Variants in LGI1 observed in about 807,000 individuals in gnomAD.
LGI1 encodes leucine-rich glioma-inactivated protein 1.
In LGI1, 11 loss-of-function variants were observed where a neutral mutation model predicts 57.7. The ratio of observed to expected loss-of-function variants is 0.19; its 90% confidence interval spans 0.12 to 0.32. The LOEUF is 0.32. Ranked by LOEUF, LGI1 falls within the 10% of genes least tolerant of loss-of-function variation. The probability of loss-of-function intolerance (pLI) is 1.00; values close to 1 mark genes in which losing one functional copy is unlikely to be tolerated. For synonymous variants in LGI1, 222 were observed against 241.9 expected (o/e 0.92, Z 0.76); for missense variants, 422 against 661.9 (o/e 0.64, Z 3.98).
intron 7 of LGI1, among the ~76,000 whole-genome samples, chr10:93,795,647 C>G (rs750127795): frequency 6.6e-6 from 1 of 152,182 alleles, no homozygotes; most frequent in Non-Finnish European, 1.5e-5. Flanking sequence ...ACAGGCACCA[C>G]TAATCTATCA....
intron 7 of LGI1, chr10:93,794,019 C>CTTTTTTTTTTTTTTTTTTTTTTTT (rs5787082): frequency 6.8e-5 from 6 of 87,836 alleles, no homozygotes; most frequent in African/African-American, 2.4e-4. Context: ...CTTTTTTTTT[C>CTTTTTTTTTTTTTTTTTTTTTTTT]TTTTTTTTTT....
At chr10:93,794,446 C>T (rs2059963763) in intron 7 of LGI1, 2 of 149,068 alleles carry the variant, frequency 1.3e-5, no homozygotes, top group Admixed American at 6.8e-5. Context: ...TCAATGCAAC[C>T]TCAGCCTCCT....
chr10:93,765,504 A>G (rs919867107), intron 2 of LGI1: 8 of 152,126 alleles, frequency 5.3e-5, no homozygotes, highest in Non-Finnish European at 1.0e-4. Context: ...TTTTTAGGGG[A>G]AGGTGGAATT....
In LGI1 at chr10:93,777,516, T is replaced by C. The variant is rs371253549; in HGVS notation, c.360-30T>C. 3 of 1,611,010 alleles carry C rather than the reference T, an allele frequency of 1.9e-6. No individual in the cohort carries two copies. The African/African-American group carries it at 4.0e-5, about 22-fold the overall frequency. Reference sequence around the variant, plus strand: ...AAGTACTCTCAAGTTCCTGTAACTGTTTGACAAAAAATATTATAACTTATT... The same window carrying C: ...AAGTACTCTCAAGTTCCTGTAACTGCTTGACAAAAAATATTATAACTTATT... On this transcript the variant is annotated intron_variant, in intron 3 of 7. Transcript: ENST00000371418.
chr10:93,770,767 A>G (rs1165197549), intron 2 of LGI1: 2 of 152,154 alleles, frequency 1.3e-5, no homozygotes, highest in African/African-American at 4.8e-5. Context: ...AGCAATATTA[A>G]TAATGAAATT....
rs1312538262 is a variant in LGI1 at position 93,797,443 on chromosome 10, C to T, written c.1314C>T (p.Phe438=). The change falls in exon 8 of 8, where the codon TTC becomes TTT. Residue 438 remains phenylalanine, a synonymous_variant. Transcript: ENST00000371418. This position sits in a 1 kb window ranked among gnomAD's most constrained non-coding sequence, Gnocchi z 6.5. The part of the protein sequence containing the change: ...NMEDVYAVKH[F]SVKGDVYICL... ...AGGATGTGTACGCAGTGAAGCACTT[C>T]TCAGTGAAAGGGGACGTGTACATTT... 9.9e-6 allele frequency: 16 copies of T among 1,614,220 alleles called. No homozygotes were observed. Among genetic ancestry groups the T allele is most frequent in the Non-Finnish European group, 1.4e-5 (16 of 1,180,042 alleles).
At chr10:93,763,663 C>T (rs1276309962) in intron 2 of LGI1, 1 of 151,982 alleles carries the variant, frequency 6.6e-6, no homozygotes, top group African/African-American at 2.4e-5. Flanking sequence ...GGAAGTGAGC[C>T]GAACTAAAAA....
intron 2 of LGI1, among the ~76,000 whole-genome samples, chr10:93,760,083 T>G (rs1010818900): frequency 6.6e-6 from 1 of 152,272 alleles, no homozygotes; most frequent in Non-Finnish European, 1.5e-5. Flanking sequence ...TCTATTGTTT[T>G]GTGTATATGA....
intron 2 of LGI1, chr10:93,763,772 C>T (rs933678575): frequency 1.3e-5 from 2 of 152,064 alleles, no homozygotes; most frequent in Admixed American, 1.3e-4. Context: ...CTAAGCCTTT[C>T]CTTAGACCCA....
At position 93,797,994 on chromosome 10, in the gene LGI1, T is replaced by C; in HGVS notation, c.*191T>C. 1 of 616,402 alleles carries C rather than the reference T, an allele frequency of 1.6e-6. No individual in the cohort carries two copies. 38.2% of individuals were successfully genotyped at this position (616,402 alleles called of 1,614,324 possible). On this transcript the variant is annotated 3_prime_UTR_variant, in exon 8 of 8. Transcript: ENST00000371418. The surrounding 1 kb of genome is among the most constrained non-coding windows in gnomAD (Gnocchi z 6.5). Reference sequence around the variant, plus strand: ...CAGTGATGTGGGAAGTTACCTTTTATAAGACAAAATTTAATTGTGTAACTG... The same window carrying C: ...CAGTGATGTGGGAAGTTACCTTTTACAAGACAAAATTTAATTGTGTAACTG...
intron 4 of LGI1, among the ~76,000 whole-genome samples, chr10:93,779,610 T>G (rs534798095): frequency 6.6e-6 from 1 of 152,224 alleles, no homozygotes; most frequent in African/African-American, 2.4e-5. Context: ...AGGACACCCA[T>G]TTTGTTTACT....
intron 2 of LGI1, among the ~76,000 whole-genome samples, chr10:93,773,292 C>A (rs541823723): frequency 6.6e-6 from 1 of 152,074 alleles, no homozygotes; most frequent in Non-Finnish European, 1.5e-5. Context: ...CTCGCCAGAA[C>A]GTGGTTATTA....
At chr10:93,787,473 C>T (rs780273849) in intron 4 of LGI1, among the ~76,000 whole-genome samples, 1 of 152,206 alleles carries the variant, frequency 6.6e-6, no homozygotes, top group Non-Finnish European at 1.5e-5. Context: ...AATACTGCCT[C>T]TCCATTCTGG....
At position 93,797,473 on chromosome 10, in the gene LGI1, G is replaced by A; in HGVS notation, c.1344G>A (p.Leu448=). ...FSVKGDVYIC[L]TRFIGDSKVM... ...TGAAAGGGGACGTGTACATTTGCTTGACAAGATTCATTGGTGATTCCAAAG... is the reference window on the plus strand; with the variant it reads ...TGAAAGGGGACGTGTACATTTGCTTAACAAGATTCATTGGTGATTCCAAAG... The change falls in exon 8 of 8, where the codon TTG becomes TTA. Residue 448 remains leucine (L), a synonymous_variant. Coordinates refer to ENST00000371418, the MANE Select transcript of LGI1 (RefSeq NM_005097.4). The surrounding 1 kb of genome is among the most constrained non-coding windows in gnomAD (Gnocchi z 6.5). 6.2e-7 allele frequency: 1 copy of A among 1,614,214 alleles called. No individual in the cohort carries two copies. The highest frequency in any genetic ancestry group is 8.5e-7 in the Non-Finnish European group (1 of 1,180,040).
chr10:93,765,220 A>G (rs1465838793), intron 2 of LGI1: 2 of 152,200 alleles, frequency 1.3e-5, no homozygotes, highest in Non-Finnish European at 2.9e-5. Flanking sequence ...TCACAAAACT[A>G]CCTAATAGTT....
chr10:93,762,386 A>T (rs553209414), intron 2 of LGI1: 31 of 152,342 alleles, frequency 2.0e-4, no homozygotes, highest in African/African-American at 6.7e-4. Context: ...AGGCATGAAC[A>T]AAAGAAGGAA....
intron 4 of LGI1, among the ~76,000 whole-genome samples, chr10:93,780,859 T>C (rs1564846440): frequency 6.6e-6 from 1 of 152,186 alleles, no homozygotes; most frequent in Non-Finnish European, 1.5e-5. Context: ...CCTACCCTCA[T>C]ATTTCATCTC....
chr10:93,780,699 G>A (rs76315560), intron 4 of LGI1, among the ~76,000 whole-genome samples: 6,745 of 152,234 alleles, frequency 0.044, 255 homozygotes, highest in African/African-American at 0.1. Context: ...AGCTCCCACC[G>A]TCTTTGATGA....
rs2059996734 is a variant in LGI1, at chr10:93,798,143, T to A, written c.*340T>A. On this transcript the variant is annotated 3_prime_UTR_variant, in exon 8 of 8. Transcript: ENST00000371418. ...CAGAAACAACTGCCAAATAAAATGT[T>A]TACATTTTCTTTCATATCCCAGAGG... 1 of 272,650 alleles carries A rather than the reference T, an allele frequency of 3.7e-6. No homozygotes were observed. The highest frequency in any genetic ancestry group is 7.0e-6 in the Non-Finnish European group (1 of 142,630). 16.9% of individuals were successfully genotyped at this position (272,650 alleles called of 1,614,324 possible). A position where few individuals can be genotyped will look rare whatever the true frequency, so the allele number is the denominator to read the frequency against.
Sources: gnomAD v4.1 joint callset for allele counts (sites outside exome capture counted in the v4.1 genomes callset) on GRCh38, gnomAD v4.1.1 for gene constraint, Gnocchi (gnomAD v3.1) non-coding constraint, MANE v1.5 for transcripts, NCBI Gene and HGNC (gene_info 2026-07-23, HGNC 2026-07-21) for gene names.